Variants in C12orf50 observed in about 807,000 individuals in gnomAD.
C12orf50 encodes uncharacterized protein C12orf50.
C12orf50 carries 35 observed loss-of-function variants against 61.6 expected under a neutral mutation model. The observed-to-expected ratio is 0.57, with a 90% CI of 0.43 to 0.75. C12orf50 has a LOEUF of 0.75. Among genes scored for constraint, C12orf50 ranks in the 30% least tolerant of loss-of-function variants. The pLI is 0.00. For missense variants in C12orf50, 475 were observed against 488.5 expected (o/e 0.97, Z 0.26); for synonymous variants, 178 against 161.5 (o/e 1.10, Z -0.77).
At chr12:88,017,272 C>T (rs543081118) in intron 3 of C12orf50, among the ~76,000 whole-genome samples, 1 of 152,264 alleles carries the variant, frequency 6.6e-6, no homozygotes, top group Admixed American at 6.5e-5. Flanking sequence ...GAATAAGTCT[C>T]ATGAGACCTG....
intron 3 of C12orf50, among the ~76,000 whole-genome samples, chr12:88,018,578 G>T (rs902638584): frequency 6.6e-6 from 1 of 152,164 alleles, no homozygotes; most frequent in African/African-American, 2.4e-5. Context: ...CCCCAGAATG[G>T]GTAGATTCAC....
chr12:88,010,293 C>T (rs1313582465), intron 3 of C12orf50, among the ~76,000 whole-genome samples: 1 of 151,800 alleles, frequency 6.6e-6, no homozygotes, highest in Non-Finnish European at 1.5e-5. Flanking sequence ...TTGACTATTT[C>T]TGGCTCTTTG....
rs1363130723 is a variant in C12orf50 at position 87,987,975 on chromosome 12, G to A, written c.701-9C>T. ...AGGACTGTCCTTGTTATCTTTTAAA[G>A]CAAATTAAGAAAATAAAATGTCAAT... On this transcript the variant is annotated splice_polypyrimidine_tract_variant and intron_variant, in intron 8 of 12. Transcript: ENST00000298699. 6.6e-7 allele frequency: 1 copy of A among 1,525,382 alleles called. No homozygotes were observed. The highest frequency in any genetic ancestry group is 1.4e-5 in the African/African-American group (1 of 72,664). 94.5% of individuals were successfully genotyped at this position (1,525,382 alleles called of 1,614,324 possible).
At chr12:87,995,098 A>C (rs2031321674) in intron 6 of C12orf50, among the ~76,000 whole-genome samples, 1 of 152,178 alleles carries the variant, frequency 6.6e-6, no homozygotes, top group African/African-American at 2.4e-5. Flanking sequence ...AATCAGATAA[A>C]AAGTATTAGA....
chr12:88,007,435 T>G (rs1379632593), intron 3 of C12orf50, among the ~76,000 whole-genome samples: 1 of 152,202 alleles, frequency 6.6e-6, no homozygotes, highest in Non-Finnish European at 1.5e-5. Flanking sequence ...CAACAGAAAT[T>G]TATTTATCAC....
intron 3 of C12orf50, among the ~76,000 whole-genome samples, chr12:88,025,582 T>C (rs2032671475): frequency 6.6e-6 from 1 of 151,980 alleles, no homozygotes; most frequent in Admixed American, 6.5e-5. Flanking sequence ...TTTCTGCAAA[T>C]ACAAAAATTA....
chr12:88,007,277 C>T (rs1306277373), intron 3 of C12orf50, among the ~76,000 whole-genome samples: 1 of 152,046 alleles, frequency 6.6e-6, no homozygotes, highest in Non-Finnish European at 1.5e-5. Context: ...GAAGTGAGTC[C>T]TCATCTTATT....
chr12:88,015,572 A>T (rs1035701310), intron 3 of C12orf50, among the ~76,000 whole-genome samples: 23 of 152,294 alleles, frequency 1.5e-4, no homozygotes, highest in Admixed American at 1.3e-3. Flanking sequence ...GCAAAATATA[A>T]GAACTTTTTT....
chr12:88,017,627 C>T (rs985607760), intron 3 of C12orf50, among the ~76,000 whole-genome samples: 23 of 152,102 alleles, frequency 1.5e-4, no homozygotes, highest in Non-Finnish European at 2.9e-5. Context: ...CAGAATAACA[C>T]AGAAAAATGT....
intron 3 of C12orf50, among the ~76,000 whole-genome samples, chr12:88,015,312 T>C (rs2032271435): frequency 6.6e-6 from 1 of 152,222 alleles, no homozygotes; most frequent in African/African-American, 2.4e-5. Context: ...GCAAGTGGCT[T>C]TTCAAAACTT....
chr12:88,001,292 ATAT>A (rs111556053), intron 3 of C12orf50, among the ~76,000 whole-genome samples: 51 of 149,654 alleles, frequency 3.4e-4, no homozygotes, highest in African/African-American at 6.6e-4. Flanking sequence ...TATTGTGGGT[ATAT>A]TATTATTATT....
chr12:88,013,302 C>T (rs906781815), intron 3 of C12orf50, among the ~76,000 whole-genome samples: 2 of 152,140 alleles, frequency 1.3e-5, no homozygotes, highest in African/African-American at 4.8e-5. Flanking sequence ...ACCTCAGGCT[C>T]CAGCCCAGAT....
intron 12 of C12orf50, 152 bp downstream of exon 12, chr12:87,982,951 A>G: frequency 7.2e-6 from 3 of 417,364 alleles, no homozygotes; most frequent in Non-Finnish European, 1.3e-5. Flanking sequence ...TTACTAGTAG[A>G]CAAGATATCT....
At chr12:87,990,742 G>GA (rs2031080365) in intron 7 of C12orf50, among the ~76,000 whole-genome samples, 1 of 152,054 alleles carries the variant, frequency 6.6e-6, no homozygotes, top group Non-Finnish European at 1.5e-5. Flanking sequence ...AGGTGAAAAA[G>GA]AAAGAGCCGA....
chr12:87,982,631 G>A (rs2034779317), intron 12 of C12orf50, among the ~76,000 whole-genome samples: 1 of 152,124 alleles, frequency 6.6e-6, no homozygotes, highest in African/African-American at 2.4e-5. Flanking sequence ...CCAGAGCGCA[G>A]AGTTCCACAA....
At chr12:88,029,236 C>A in intron 1 of C12orf50, 104 bp downstream of exon 1, 1 of 544,192 alleles carries the variant, frequency 1.8e-6, no homozygotes, top group Non-Finnish European at 2.8e-6. Context: ...AATTTCTTTT[C>A]CACAGTCTTT....
intron 1 of C12orf50, among the ~76,000 whole-genome samples, chr12:88,028,796 C>G (rs1387221605): frequency 6.6e-6 from 1 of 151,952 alleles, no homozygotes; most frequent in Non-Finnish European, 1.5e-5. Context: ...GGCAAAAGTG[C>G]CACATGAAGA....
At chr12:87,988,336 G>A (rs897577060) in intron 8 of C12orf50, among the ~76,000 whole-genome samples, 7 of 152,156 alleles carry the variant, frequency 4.6e-5, no homozygotes, top group African/African-American at 1.7e-4. Context: ...CTTGCTATAT[G>A]CTTTGGAGCA....
chr12:88,003,748 G>C (rs2031743863), intron 3 of C12orf50, among the ~76,000 whole-genome samples: 2 of 151,818 alleles, frequency 1.3e-5, no homozygotes, highest in African/African-American at 4.8e-5. Flanking sequence ...CTTTATCACT[G>C]GTATTTATCT....
Sources: allele counts gnomAD v4.1 joint callset (sites outside exome capture counted in the v4.1 genomes callset), GRCh38; gene constraint gnomAD v4.1.1; transcripts MANE v1.5; gene names NCBI Gene and HGNC (gene_info 2026-07-23, HGNC 2026-07-21).